The following CPA6 variants were observed in gnomAD, a reference collection of about 807,000 sequenced individuals.
The protein encoded by CPA6 is carboxypeptidase B.
In CPA6, 58 loss-of-function variants were observed where a neutral mutation model predicts 63.3. The ratio of observed to expected loss-of-function variants is 0.92; its 90% confidence interval spans 0.74 to 1.14. The LOEUF (loss-of-function observed/expected upper bound fraction) is 1.14, where lower values mean the gene tolerates loss of function less well. Ranked by LOEUF, CPA6 falls within the 50% of genes most tolerant of loss-of-function variation. CPA6 has a pLI of 0.00. For synonymous variants in CPA6, 185 were observed against 179.0 expected, an observed-to-expected ratio of 1.03 and a Z score of -0.27; for missense variants, 565 against 526.6, an observed-to-expected ratio of 1.07 and a Z score of -0.71.
chr8:67,650,690 C>T (rs563169836), intron 1 of CPA6, among the ~76,000 whole-genome samples: 1 of 152,148 alleles, frequency 6.6e-6, no homozygotes, highest in Non-Finnish European at 1.5e-5. Context: ...AAATTCATGG[C>T]GGCTTCATCA....
At chr8:67,591,290 C>T (rs1256295450) in intron 2 of CPA6, among the ~76,000 whole-genome samples, 1 of 151,870 alleles carries the variant, frequency 6.6e-6, no homozygotes, top group Non-Finnish European at 1.5e-5. Context: ...TTACTGTAGC[C>T]TTGTAGTATA....
chr8:67,493,440 C>T (rs1587489248), intron 6 of CPA6, among the ~76,000 whole-genome samples: 1 of 152,182 alleles, frequency 6.6e-6, no homozygotes, highest in Non-Finnish European at 1.5e-5. Flanking sequence ...ACAACCACAG[C>T]TCTAAGTCAT....
intron 1 of CPA6, among the ~76,000 whole-genome samples, chr8:67,624,787 G>A (rs1815159921): frequency 6.6e-6 from 1 of 152,096 alleles, no homozygotes; most frequent in Non-Finnish European, 1.5e-5. Context: ...CTGGCTTGTG[G>A]GGCCAAACAA....
chr8:67,687,837 T>C (rs1013195110), intron 1 of CPA6, among the ~76,000 whole-genome samples: 1 of 152,120 alleles, frequency 6.6e-6, no homozygotes, highest in South Asian at 2.1e-4. Flanking sequence ...GACGATGCAG[T>C]TTTAAGGAAC....
chr8:67,660,880 G>A (rs1323584958), intron 1 of CPA6, among the ~76,000 whole-genome samples: 1 of 152,090 alleles, frequency 6.6e-6, no homozygotes, highest in Non-Finnish European at 1.5e-5. Context: ...CAGTAATCTG[G>A]ATTAACATCC....
chr8:67,587,348 A>G (rs1326526429), intron 2 of CPA6, among the ~76,000 whole-genome samples: 2 of 152,146 alleles, frequency 1.3e-5, no homozygotes, highest in African/African-American at 4.8e-5. Context: ...TTGAGGGGAA[A>G]AATGCCTGTT....
chr8:67,584,545 T>G (rs1813873276), intron 2 of CPA6, among the ~76,000 whole-genome samples: 1 of 152,200 alleles, frequency 6.6e-6, no homozygotes, highest in African/African-American at 2.4e-5. Flanking sequence ...GAGCACAGAT[T>G]GCTAGAAATA....
At chr8:67,489,174 G>A (rs1283758918) in intron 6 of CPA6, among the ~76,000 whole-genome samples, 4 of 151,794 alleles carry the variant, frequency 2.6e-5, no homozygotes, top group African/African-American at 9.7e-5. Context: ...TCAGACTCCA[G>A]GGCTCAAGCA....
intron 6 of CPA6, among the ~76,000 whole-genome samples, chr8:67,503,468 ATTTTTT>A (rs869172205): frequency 3.2e-5 from 4 of 126,018 alleles, no homozygotes; most frequent in African/African-American, 1.3e-4. Context: ...AGCTAATTAA[ATTTTTT>A]TTTTTTTTTT....
At chr8:67,594,976 T>C (rs1167258137) in intron 2 of CPA6, among the ~76,000 whole-genome samples, 1 of 152,144 alleles carries the variant, frequency 6.6e-6, no homozygotes, top group East Asian at 1.9e-4. Context: ...GAGTTTCCAG[T>C]TTTTCTGCTC....
intron 8 of CPA6, among the ~76,000 whole-genome samples, chr8:67,480,998 C>G (rs1200978914): frequency 1.3e-5 from 2 of 152,192 alleles, no homozygotes; most frequent in Non-Finnish European, 2.9e-5. Flanking sequence ...ATCATTTGTG[C>G]ACTTTTAAAT....
chr8:67,464,223 C>T (rs74966058), intron 8 of CPA6, among the ~76,000 whole-genome samples: 3,150 of 152,094 alleles, frequency 0.021, 107 homozygotes, highest in African/African-American at 0.071. Flanking sequence ...GGTGTGAGAT[C>T]GTATCTCATT....
chr8:67,607,683 G>A (rs553552285), intron 2 of CPA6, among the ~76,000 whole-genome samples: 2 of 152,262 alleles, frequency 1.3e-5, no homozygotes, highest in South Asian at 4.1e-4. Context: ...ATAGACACTT[G>A]CCTTATCTTC....
chr8:67,651,397 C>T (rs1174617296), intron 1 of CPA6, among the ~76,000 whole-genome samples: 2 of 152,146 alleles, frequency 1.3e-5, no homozygotes, highest in East Asian at 1.9e-4. Context: ...TCAGAAACCT[C>T]GGCCTCTATA....
At chr8:67,579,316 G>C (rs1003674861) in intron 2 of CPA6, among the ~76,000 whole-genome samples, 1 of 152,170 alleles carries the variant, frequency 6.6e-6, no homozygotes. Context: ...GGGAGGCTGA[G>C]GCAAGAGAAT....
chr8:67,740,870 C>G (rs1207520957), intron 1 of CPA6, among the ~76,000 whole-genome samples: 1 of 151,948 alleles, frequency 6.6e-6, no homozygotes, highest in Non-Finnish European at 1.5e-5. Context: ...GTGCCTGGCC[C>G]CAAACTACTT....
intron 8 of CPA6, among the ~76,000 whole-genome samples, chr8:67,479,066 C>A (rs897877117): frequency 6.6e-6 from 1 of 152,104 alleles, no homozygotes; most frequent in East Asian, 1.9e-4. Flanking sequence ...CAATATAGCA[C>A]CCTAGCATGC....
At chr8:67,706,945 AT>A (rs1322542647) in intron 1 of CPA6, among the ~76,000 whole-genome samples, 1 of 152,122 alleles carries the variant, frequency 6.6e-6, no homozygotes, top group Non-Finnish European at 1.5e-5. Flanking sequence ...TTTATGCAAA[AT>A]TCTTATAATT....
intron 1 of CPA6, among the ~76,000 whole-genome samples, chr8:67,711,075 T>C (rs1402359196): frequency 6.6e-6 from 1 of 152,168 alleles, no homozygotes; most frequent in African/African-American, 2.4e-5. Flanking sequence ...AACTGCATTC[T>C]TAGTCTTAGC....
Sources: allele counts gnomAD v4.1 joint callset (sites outside exome capture counted in the v4.1 genomes callset), GRCh38; gene constraint gnomAD v4.1.1; transcripts MANE v1.5; gene names NCBI Gene and HGNC (gene_info 2026-07-23, HGNC 2026-07-21).